Variants in MAP1LC3B2 observed in about 807,000 individuals in gnomAD.
MAP1LC3B2 encodes microtubule-associated protein 1 light chain 3 beta 2.
For missense variants in MAP1LC3B2, 155 were observed against 154.6 expected (o/e 1.00, Z -0.01); for synonymous variants, 62 against 57.8 (o/e 1.07, Z -0.33).
intron 1 of MAP1LC3B2, among the ~76,000 whole-genome samples, chr12:116,569,726 G>A (rs1223493967): frequency 1.3e-5 from 2 of 152,020 alleles, no homozygotes; most frequent in African/African-American, 4.8e-5. Flanking sequence ...AAGAAATGGG[G>A]ATAAAGTAAA....
chr12:116,573,707 G>C (rs767467250), intron 1 of MAP1LC3B2, among the ~76,000 whole-genome samples: 24 of 151,972 alleles, frequency 1.6e-4, no homozygotes, highest in Non-Finnish European at 2.4e-4. Flanking sequence ...AGTAGAGATG[G>C]GGTTTCACCA....
intron 1 of MAP1LC3B2, among the ~76,000 whole-genome samples, chr12:116,573,415 T>C (rs923321991): frequency 6.6e-6 from 1 of 152,180 alleles, no homozygotes; most frequent in African/African-American, 2.4e-5. Context: ...ATTTAATTAT[T>C]TTAGATTAAA....
chr12:116,564,969 A>G (rs1200064445), intron 1 of MAP1LC3B2, among the ~76,000 whole-genome samples: 1 of 152,130 alleles, frequency 6.6e-6, no homozygotes, highest in Non-Finnish European at 1.5e-5. Flanking sequence ...CTGAAAAACA[A>G]TTGTTTTATA....
intron 1 of MAP1LC3B2, among the ~76,000 whole-genome samples, chr12:116,568,457 T>G (rs1869446819): frequency 6.6e-6 from 1 of 152,244 alleles, no homozygotes; most frequent in South Asian, 2.1e-4. Flanking sequence ...CAACATGTAC[T>G]TTATTCACAA....
At chr12:116,573,065 C>T (rs1217299132) in intron 1 of MAP1LC3B2, among the ~76,000 whole-genome samples, 1 of 152,156 alleles carries the variant, frequency 6.6e-6, no homozygotes, top group Non-Finnish European at 1.5e-5. Context: ...GCTGGGACTA[C>T]AGCACGTGCC....
intron 1 of MAP1LC3B2, among the ~76,000 whole-genome samples, chr12:116,561,004 C>A (rs1869259889): frequency 6.6e-6 from 1 of 152,048 alleles, no homozygotes; most frequent in Non-Finnish European, 1.5e-5. Context: ...GTAGTCCCCG[C>A]TACTTGGGAG....
intron 1 of MAP1LC3B2, among the ~76,000 whole-genome samples, chr12:116,564,017 C>G (rs1869331594): frequency 6.6e-6 from 1 of 152,054 alleles, no homozygotes; most frequent in South Asian, 2.1e-4. Flanking sequence ...GTAGCTGGGA[C>G]TAAAGGTGCA....
chr12:116,569,247 A>T (rs1869467704), intron 1 of MAP1LC3B2, among the ~76,000 whole-genome samples: 1 of 152,158 alleles, frequency 6.6e-6, no homozygotes, highest in South Asian at 2.1e-4. Flanking sequence ...AGACTAAGAC[A>T]ATTGCTCACT....
At chr12:116,561,911 C>G (rs1252123414) in intron 1 of MAP1LC3B2, among the ~76,000 whole-genome samples, 2 of 152,332 alleles carry the variant, frequency 1.3e-5, no homozygotes, top group East Asian at 3.9e-4. Flanking sequence ...TTGTTTTTCC[C>G]TGTCAGCATC....
intron 1 of MAP1LC3B2, 63 bp from the exon 2 acceptor site, chr12:116,575,779 T>C (rs1869655158): frequency 1.4e-6 from 1 of 709,578 alleles, no homozygotes; most frequent in East Asian, 2.7e-5. Flanking sequence ...TGATGGTGTG[T>C]GGCTGTAACA....
chr12:116,561,325 CAGAG>C (rs1286573237), intron 1 of MAP1LC3B2, among the ~76,000 whole-genome samples: 1 of 151,760 alleles, frequency 6.6e-6, no homozygotes, highest in Admixed American at 6.6e-5. Context: ...ATTAGACACA[CAGAG>C]AGGAAGTCCC....
chr12:116,570,074 A>G (rs1869490138), intron 1 of MAP1LC3B2, among the ~76,000 whole-genome samples: 1 of 152,118 alleles, frequency 6.6e-6, no homozygotes, highest in South Asian at 2.1e-4. Context: ...AAAATAAAAT[A>G]AAATCACTAC....
At chr12:116,567,042 C>T (rs12812589) in intron 1 of MAP1LC3B2, among the ~76,000 whole-genome samples, 38,842 of 140,130 alleles carry the variant, frequency 0.28, 5,965 homozygotes, top group Middle Eastern at 0.42. Context: ...GCAAGAGAAA[C>T]GGAAAGGAAG....
chr12:116,564,476 A>G (rs995601895), intron 1 of MAP1LC3B2, among the ~76,000 whole-genome samples: 2 of 152,100 alleles, frequency 1.3e-5, no homozygotes, highest in African/African-American at 4.8e-5. Context: ...TTAGGCCTAC[A>G]AGAAAGGTGT....
rs144766180 is a variant in MAP1LC3B2 at position 116,562,000 on chromosome 12, G to C, written c.-102+2567G>C. ...TCTTCCACCCCCTCATTCCAGGAGA[G>C]GGTATATCACCCAGACCTGACCAGT... On this transcript the variant is annotated intron_variant, in intron 1 of 1. Coordinates refer to ENST00000556529, the MANE Select transcript of MAP1LC3B2 (RefSeq NM_001085481.3). Among the ~76,000 whole-genome samples the C allele has an allele frequency of 2.4e-3, 362 of 149,344 alleles. 3 individuals are homozygous for C. The highest frequency in any genetic ancestry group is 0.01 in the Middle Eastern group (3 of 292).
In MAP1LC3B2 at chr12:116,576,421, A is replaced by T; in HGVS notation, c.*101A>T. 2.7e-6 allele frequency: 4 copies of T among 1,506,136 alleles called. No homozygotes were observed. Among genetic ancestry groups the T allele is most frequent in the Non-Finnish European group, 3.6e-6 (4 of 1,120,084 alleles). The allele number at this position is 1,506,136 out of a possible 1,614,324, so 93.3% of individuals were successfully genotyped here. On this transcript the variant is annotated 3_prime_UTR_variant, in exon 2 of 2. Transcript: ENST00000556529. ...GATCGATCAGTTCATCTAATCACAGATCATCAAACAGTAGTGTTCCCACCT... is the reference window on the plus strand; with the variant it reads ...GATCGATCAGTTCATCTAATCACAGTTCATCAAACAGTAGTGTTCCCACCT...
chr12:116,575,922 C>T lies in MAP1LC3B2; in HGVS notation c.-21C>T, dbSNP rs188922036. ...GCCGGGACCCTCGCGTCGTCGCCGCCGCGGCCCAGATCCCCACACCATGCC... is the reference window on the plus strand; with the variant it reads ...GCCGGGACCCTCGCGTCGTCGCCGCTGCGGCCCAGATCCCCACACCATGCC... On this transcript the variant is annotated 5_prime_UTR_variant, in exon 2 of 2. Coordinates refer to ENST00000556529, the MANE Select transcript of MAP1LC3B2 (RefSeq NM_001085481.3). 5.6e-4 allele frequency: 897 copies of T among 1,613,238 alleles called. 5 individuals carry two copies. The African/African-American group carries it at 0.011, about 19-fold the overall frequency.
intron 1 of MAP1LC3B2, among the ~76,000 whole-genome samples, chr12:116,565,297 G>C (rs1869359586): frequency 6.6e-6 from 1 of 152,206 alleles, no homozygotes; most frequent in Non-Finnish European, 1.5e-5. Flanking sequence ...GTTCCACATG[G>C]ATGTGGAGGC....
At chr12:116,560,187 GCTATAT>G (rs1165985790) in intron 1 of MAP1LC3B2, 7 of 81,506 alleles carry the variant, frequency 8.6e-5, no homozygotes, top group Non-Finnish European at 1.2e-4. Context: ...GCTAAGTTTG[GCTATAT>G]ATATATATAT....
Sources: allele counts gnomAD v4.1 joint callset (sites outside exome capture counted in the v4.1 genomes callset), GRCh38; gene constraint gnomAD v4.1.1; transcripts MANE v1.5; gene names NCBI Gene and HGNC (gene_info 2026-07-23, HGNC 2026-07-21).